The following FNDC1 variants were observed in gnomAD, a reference collection of about 807,000 sequenced individuals.
FNDC1 encodes fibronectin type III domain-containing protein 1.
Under a neutral mutation model 168.0 loss-of-function variants are expected in FNDC1, and 96 were observed. That is an observed-to-expected ratio of 0.57 (90% CI 0.48 to 0.68). The LOEUF (loss-of-function observed/expected upper bound fraction) is 0.68. Among genes scored for constraint, FNDC1 ranks in the 30% least tolerant of loss-of-function variants. The pLI is 0.00. For missense variants in FNDC1, 2,587 were observed against 2,482.1 expected (o/e 1.04, Z -0.90); for synonymous variants, 1,099 against 1,025.9 (o/e 1.07, Z -1.36).
At chr6:159,261,128 T>G in intron 18 of FNDC1, 62 bp from the exon 19 acceptor site, 2 of 1,336,040 alleles carry the variant, frequency 1.5e-6, no homozygotes, top group Non-Finnish European at 2.1e-6. Flanking sequence ...TTTGGGAGTC[T>G]GTTTTGTTAC....
rs1368881325 is a variant in FNDC1, at chr6:159,197,622, G to T, written c.301G>T (p.Val101Leu). The part of the protein sequence containing the change: ...AETYSFLIED[V>L]EPGVVYFVLL... Reference sequence around the variant, plus strand: ...GACATACTCCTTCCTTATTGAGGATGTGGGTAAGTGACACTCTGATCTTGT... The same window carrying T: ...GACATACTCCTTCCTTATTGAGGATTTGGGTAAGTGACACTCTGATCTTGT... Residue 101 changes from valine (V) to leucine (L), a missense_variant, in exon 2 of 23, where the codon GTG becomes TTG. Physicochemically the swap from Val to Leu is conservative, Grantham distance 32. Transcript: ENST00000297267. 18 of 1,609,800 alleles carry T rather than the reference G, an allele frequency of 1.1e-5. No individual in the cohort carries two copies. The highest frequency in any genetic ancestry group is 1.5e-5 in the Non-Finnish European group (18 of 1,177,896).
At chr6:159,171,030 T>C (rs1443062417) in intron 1 of FNDC1, among the ~76,000 whole-genome samples, 1 of 152,222 alleles carries the variant, frequency 6.6e-6, no homozygotes, top group Non-Finnish European at 1.5e-5. Context: ...CCTGGCTTTG[T>C]GGCGATTCCA....
Position 159,239,514 on chromosome 6 carries a change from C to A in FNDC1, c.4181-3C>A. The A allele has an allele frequency of 6.4e-7, 1 of 1,573,286 alleles. No individual in the cohort carries two copies. The highest frequency in any genetic ancestry group is 1.2e-5 in the South Asian group (1 of 86,620). ...GCATAGCTATTGGTTGATTTTGTTT[C>A]AGATCTGGAAGGGACCCCCGTGGTG... On this transcript the variant is annotated splice_polypyrimidine_tract_variant and splice_region_variant and intron_variant, in intron 13 of 22. Transcript: ENST00000297267.
At chr6:159,269,555 C>CATCCATCCATCCATCCATCCATCCATCA in intron 22 of FNDC1, among the ~76,000 whole-genome samples, 2 of 149,300 alleles carry the variant, frequency 1.3e-5, no homozygotes, top group African/African-American at 4.9e-5. Context: ...TCCATCCATC[C>CATCCATCCATCCATCCATCCATCCATCA]ATCCATCCAT....
chr6:159,268,825 TATCTATC>T (rs1562315364), intron 22 of FNDC1, among the ~76,000 whole-genome samples: 3,157 of 30,710 alleles, frequency 0.1, 60 homozygotes, highest in Middle Eastern at 0.31. Flanking sequence ...TCTATTCATC[TATCTATC>T]TATCTATCTA....
At chr6:159,178,511 A>G (rs1008124937) in intron 1 of FNDC1, among the ~76,000 whole-genome samples, 1 of 152,268 alleles carries the variant, frequency 6.6e-6, no homozygotes, top group Non-Finnish European at 1.5e-5. Flanking sequence ...GTGAAGATGC[A>G]GAAGAGTTCT....
In FNDC1 at chr6:159,233,743, C is replaced by T. The variant is rs1220796778; in HGVS notation, c.3231C>T (p.Gly1077=). 4.5e-6 allele frequency: 7 copies of T among 1,548,898 alleles called. No homozygotes were observed. Among genetic ancestry groups the T allele is most frequent in the Non-Finnish European group, 6.1e-6 (7 of 1,146,304 alleles). ...AGAACCAGGACGAGGATGCCCAGGG[C>T]AGCTACGACGACGACAGCACAGAAG... ...ALQNQDEDAQ[G]SYDDDSTEVE... Residue 1077 remains glycine (G), a synonymous_variant, in exon 11 of 23, where the codon GGC becomes GGT. Coordinates refer to ENST00000297267, the MANE Select transcript of FNDC1 (RefSeq NM_032532.3). This position sits in a 1 kb window ranked among gnomAD's most constrained non-coding sequence, Gnocchi z 4.6.
intron 17 of FNDC1, among the ~76,000 whole-genome samples, chr6:159,253,298 C>T (rs770159215): frequency 2.0e-5 from 3 of 152,204 alleles, no homozygotes; most frequent in East Asian, 1.9e-4. Flanking sequence ...CACCAGACTC[C>T]GCAAGGCTCA....
At chr6:159,187,310 G>A (rs1274341782) in intron 1 of FNDC1, among the ~76,000 whole-genome samples, 2 of 152,176 alleles carry the variant, frequency 1.3e-5, no homozygotes, top group Non-Finnish European at 2.9e-5. Context: ...ATCTCTCGTG[G>A]CACCTGGGAC....
In FNDC1 at chr6:159,233,852, G is replaced by C. The variant is rs1488518673; in HGVS notation, c.3340G>C (p.Glu1114Gln). 6.5e-7 allele frequency: 1 copy of C among 1,545,826 alleles called. No individual in the cohort carries two copies. Among genetic ancestry groups the C allele is most frequent in the African/African-American group, 1.4e-5 (1 of 72,898 alleles). ...AASLPKHQQV[E>Q]SPTGAGAGGD... ...GTCCCTTCCCAAGCACCAGCAGGTG[G>C]AGTCTCCCACAGGCGCAGGGGCAGG... The change falls in exon 11 of 23, where the codon GAG becomes CAG. Residue 1114 changes from glutamate (E) to glutamine (Q), a missense_variant. Glu to Gln is a conservative substitution (Grantham distance 29). Coordinates refer to ENST00000297267, the MANE Select transcript of FNDC1 (RefSeq NM_032532.3). This position sits in a 1 kb window ranked among gnomAD's most constrained non-coding sequence, Gnocchi z 4.6.
At position 159,266,263 on chromosome 6, in the gene FNDC1, G is replaced by T. The variant is rs1196735527; in HGVS notation, c.5446+18G>T. The T allele has an allele frequency of 6.8e-6, 11 of 1,613,570 alleles. No individual in the cohort carries two copies. Among genetic ancestry groups the T allele is most frequent in the Non-Finnish European group, 9.3e-6 (11 of 1,179,526 alleles). On this transcript the variant is annotated intron_variant, in intron 21 of 22. Coordinates refer to ENST00000297267, the MANE Select transcript of FNDC1 (RefSeq NM_032532.3). ...CCTGAAAGGTAAGTCTTTGTGCATGGTTGGCTATGGGAGGTATGGAACATT... is the reference window on the plus strand; with the variant it reads ...CCTGAAAGGTAAGTCTTTGTGCATGTTTGGCTATGGGAGGTATGGAACATT...
chr6:159,226,702 A>C, intron 9 of FNDC1, 122 bp downstream of exon 9: 1 of 658,120 alleles, frequency 1.5e-6, no homozygotes, highest in South Asian at 2.4e-5. Flanking sequence ...GTGCTCACCC[A>C]AGGGACGAGG....
intron 1 of FNDC1, among the ~76,000 whole-genome samples, chr6:159,170,324 G>C (rs1159384801): frequency 6.6e-6 from 1 of 152,206 alleles, no homozygotes; most frequent in Non-Finnish European, 1.5e-5. Flanking sequence ...TGAGAGGAGG[G>C]AGAGGGAAAT....
chr6:159,267,698 G>A (rs1436656580), intron 21 of FNDC1, 106 bp from the exon 22 acceptor site: 2 of 1,167,454 alleles, frequency 1.7e-6, no homozygotes, highest in South Asian at 1.5e-5. Flanking sequence ...CACAGTTTAA[G>A]TAATATGCTG....
At chr6:159,267,619 C>A (rs1301705877) in intron 21 of FNDC1, among the ~76,000 whole-genome samples, 185 bp from the exon 22 acceptor site, 1 of 152,138 alleles carries the variant, frequency 6.6e-6, no homozygotes, top group Non-Finnish European at 1.5e-5. Flanking sequence ...TTTGATCTTG[C>A]TGAATTCTTA....
At chr6:159,255,122 C>T (rs908138165) in intron 17 of FNDC1, among the ~76,000 whole-genome samples, 35 of 152,358 alleles carry the variant, frequency 2.3e-4, no homozygotes, top group East Asian at 1.5e-3. Flanking sequence ...AATGTCTTAA[C>T]TGTCTTTCCC....
chr6:159,253,820 A>G (rs1038804376), intron 17 of FNDC1, among the ~76,000 whole-genome samples: 1 of 152,346 alleles, frequency 6.6e-6, no homozygotes, highest in East Asian at 1.9e-4. Context: ...TGGGAAACGC[A>G]GGGTTCTGAT....
intron 14 of FNDC1, among the ~76,000 whole-genome samples, chr6:159,245,701 A>G (rs1163427520): frequency 6.6e-6 from 1 of 151,378 alleles, no homozygotes; most frequent in Admixed American, 6.6e-5. Context: ...AATCACTCAT[A>G]TGTTACTTAT....
chr6:159,211,187 G>A (rs923804187), intron 4 of FNDC1, among the ~76,000 whole-genome samples: 19 of 152,190 alleles, frequency 1.2e-4, no homozygotes, highest in African/African-American at 3.1e-4. Context: ...TTCAGGTCAC[G>A]GGGATAGAGA....
Sources: gnomAD v4.1 joint callset for allele counts (sites outside exome capture counted in the v4.1 genomes callset) on GRCh38, gnomAD v4.1.1 for gene constraint, Gnocchi (gnomAD v3.1) non-coding constraint, MANE v1.5 for transcripts, NCBI Gene and HGNC (gene_info 2026-07-23, HGNC 2026-07-21) for gene names.